Variants in TCF12 observed in about 807,000 individuals in gnomAD.
The protein encoded by TCF12 is DNA-binding protein HTF4.
In TCF12, 45 loss-of-function variants were observed where a neutral mutation model predicts 86.0. That is an observed-to-expected ratio of 0.52 (90% CI 0.41 to 0.67). The LOEUF (loss-of-function observed/expected upper bound fraction) is 0.67, where lower values mean the gene tolerates loss of function less well. TCF12 is among the 30% of genes least tolerant of loss of function. The probability of loss-of-function intolerance (pLI) is 0.00; values close to 1 mark genes in which losing one functional copy is unlikely to be tolerated. For synonymous variants in TCF12, 330 were observed against 299.6 expected (o/e 1.10, Z -1.05); for missense variants, 881 against 859.9 (o/e 1.02, Z -0.31).
At chr15:56,989,687 G>A (rs1343337006) in intron 3 of TCF12, among the ~76,000 whole-genome samples, 6 of 152,220 alleles carry the variant, frequency 3.9e-5, no homozygotes, top group Non-Finnish European at 8.8e-5. Flanking sequence ...GTTTCTAGAG[G>A]GTGGGCTGAC....
intron 2 of TCF12, 79 bp downstream of exon 2, chr15:56,920,067 G>C: frequency 6.5e-7 from 1 of 1,545,548 alleles, no homozygotes; most frequent in Non-Finnish European, 8.9e-7. Flanking sequence ...TTAAATAAAG[G>C]GTGAGGGGAA....
At chr15:57,122,320 T>G (rs2051297416) in intron 5 of TCF12, among the ~76,000 whole-genome samples, 1 of 152,056 alleles carries the variant, frequency 6.6e-6, no homozygotes, top group African/African-American at 2.4e-5. Context: ...TGAAACATAA[T>G]CACTGGACTT....
chr15:57,155,087 G>C (rs1479104604), intron 5 of TCF12, among the ~76,000 whole-genome samples: 2 of 152,164 alleles, frequency 1.3e-5, no homozygotes, highest in East Asian at 3.9e-4. Flanking sequence ...CAACAAAGTG[G>C]GAATTTAAAC....
At chr15:57,216,020 C>A (rs2593216) in intron 8 of TCF12, among the ~76,000 whole-genome samples, 3,364 of 152,160 alleles carry the variant, frequency 0.022, 121 homozygotes, top group African/African-American at 0.076. Context: ...AACATCTTTT[C>A]CTATATCGTC....
At chr15:57,226,286 A>G (rs529990038) in intron 8 of TCF12, among the ~76,000 whole-genome samples, 15 of 151,440 alleles carry the variant, frequency 9.9e-5, no homozygotes, top group African/African-American at 3.6e-4. Flanking sequence ...AAATATAATT[A>G]TATAAGATAC....
At chr15:56,947,275 C>T (rs955617141) in intron 3 of TCF12, among the ~76,000 whole-genome samples, 19 of 152,070 alleles carry the variant, frequency 1.2e-4, no homozygotes, top group African/African-American at 3.6e-4. Flanking sequence ...GGTTGTTTTT[C>T]GCCTGCCATT....
intron 8 of TCF12, among the ~76,000 whole-genome samples, chr15:57,212,743 T>C (rs2058166358): frequency 6.6e-6 from 1 of 152,158 alleles, no homozygotes; most frequent in Non-Finnish European, 1.5e-5. Context: ...TGGCCTAGTT[T>C]AATGGTTTAA....
chr15:57,206,539 G>T (rs2057818811), intron 8 of TCF12, among the ~76,000 whole-genome samples: 1 of 148,032 alleles, frequency 6.8e-6, no homozygotes, highest in Non-Finnish European at 1.5e-5. Flanking sequence ...ATACTTCTTA[G>T]TCCTGATTCT....
At chr15:57,247,609 T>C in intron 13 of TCF12, 1 of 813,198 alleles carries the variant, frequency 1.2e-6, no homozygotes, top group East Asian at 2.4e-5. Context: ...TGCCATACTT[T>C]TCAAAGTAGT....
At chr15:56,982,331 G>A (rs1188557408) in intron 3 of TCF12, among the ~76,000 whole-genome samples, 1 of 152,050 alleles carries the variant, frequency 6.6e-6, no homozygotes, top group Non-Finnish European at 1.5e-5. Context: ...GTTTAATTAA[G>A]GTAATTAAAA....
intron 8 of TCF12, among the ~76,000 whole-genome samples, chr15:57,222,405 G>A (rs570583566): frequency 6.6e-6 from 1 of 151,906 alleles, no homozygotes; most frequent in African/African-American, 2.4e-5. Context: ...TGTAGGTGTA[G>A]AAAAGAAAAG....
At chr15:57,119,767 G>T (rs1006780158) in intron 5 of TCF12, among the ~76,000 whole-genome samples, 6 of 152,090 alleles carry the variant, frequency 3.9e-5, no homozygotes, top group Non-Finnish European at 5.9e-5. Context: ...ATGTGATCCT[G>T]TGGCAATCCT....
chr15:56,985,326 A>G (rs1027577894), intron 3 of TCF12, among the ~76,000 whole-genome samples: 1 of 152,202 alleles, frequency 6.6e-6, no homozygotes, highest in Admixed American at 6.5e-5. Context: ...AATGAAGAAT[A>G]TTGCAAAGGA....
At chr15:57,175,021 T>A (rs914801354) in intron 6 of TCF12, among the ~76,000 whole-genome samples, 2 of 151,736 alleles carry the variant, frequency 1.3e-5, no homozygotes, top group African/African-American at 2.4e-5. Context: ...AAAAAAAAAA[T>A]AAATCGGTAA....
chr15:57,069,576 A>G (rs1286251900), intron 4 of TCF12, among the ~76,000 whole-genome samples: 3 of 152,198 alleles, frequency 2.0e-5, no homozygotes, highest in South Asian at 2.1e-4. Context: ...TATTTCCTAC[A>G]TGAGGAAACT....
At chr15:57,061,324 G>A (rs1342338805) in intron 3 of TCF12, among the ~76,000 whole-genome samples, 1 of 152,104 alleles carries the variant, frequency 6.6e-6, no homozygotes, top group Non-Finnish European at 1.5e-5. Context: ...TGGGCATAGT[G>A]GTTCACACCT....
chr15:56,960,937 C>G (rs889443851), intron 3 of TCF12, among the ~76,000 whole-genome samples: 22 of 151,592 alleles, frequency 1.5e-4, no homozygotes, highest in African/African-American at 4.6e-4. Context: ...GTCAGGAGTT[C>G]GAGACCAGCC....
chr15:57,071,283 G>A (rs1221692562), intron 4 of TCF12, among the ~76,000 whole-genome samples: 8 of 151,454 alleles, frequency 5.3e-5, no homozygotes, highest in South Asian at 2.1e-4. Flanking sequence ...CTGGTGGTGC[G>A]CACCTGTGGT....
At chr15:57,187,944 A>G (rs1295390455) in intron 6 of TCF12, among the ~76,000 whole-genome samples, 3 of 152,148 alleles carry the variant, frequency 2.0e-5, no homozygotes, top group African/African-American at 7.2e-5. Flanking sequence ...TCTCAAAAAA[A>G]TAAAAAATAA....
Sources: allele counts gnomAD v4.1 joint callset (sites outside exome capture counted in the v4.1 genomes callset), GRCh38; gene constraint gnomAD v4.1.1; transcripts MANE v1.5; gene names NCBI Gene and HGNC (gene_info 2026-07-23, HGNC 2026-07-21).